Variants in ADK observed in about 807,000 individuals in gnomAD.
ADK encodes N6,N6-dimethyladenosine kinase.
Under a neutral mutation model 44.7 loss-of-function variants are expected in ADK, and 24 were observed. The observed-to-expected ratio is 0.54, with a 90% CI of 0.39 to 0.76. The LOEUF (loss-of-function observed/expected upper bound fraction) is 0.76, where lower values mean the gene tolerates loss of function less well. Among genes scored for constraint, ADK ranks in the 30% least tolerant of loss-of-function variants. The pLI is 0.00. For missense variants in ADK, 321 were observed against 425.1 expected (o/e 0.76, Z 2.15); for synonymous variants, 128 against 142.6 (o/e 0.90, Z 0.73).
intron 6 of ADK, among the ~76,000 whole-genome samples, chr10:74,438,603 C>G (rs1845274639): frequency 6.6e-6 from 1 of 152,048 alleles, no homozygotes; most frequent in South Asian, 2.1e-4. Flanking sequence ...CAGTATGCAT[C>G]TGTTGAATAT....
At chr10:74,309,974 C>G (rs145403811) in intron 3 of ADK, among the ~76,000 whole-genome samples, 1 of 151,908 alleles carries the variant, frequency 6.6e-6, no homozygotes, top group African/African-American at 2.4e-5. Flanking sequence ...TTACTATATT[C>G]ATCTTTGTTG....
intron 9 of ADK, among the ~76,000 whole-genome samples, chr10:74,628,320 G>C (rs892528560): frequency 6.6e-6 from 1 of 152,144 alleles, no homozygotes; most frequent in East Asian, 2.0e-4. Flanking sequence ...TGCCAGTCAC[G>C]ATTCTTGGAT....
intron 7 of ADK, among the ~76,000 whole-genome samples, chr10:74,588,972 A>T (rs1851621353): frequency 6.6e-6 from 1 of 152,232 alleles, no homozygotes; most frequent in Admixed American, 6.5e-5. Context: ...AACCACCAGC[A>T]TATTCCTTGG....
At chr10:74,611,640 C>T (rs1007379570) in intron 9 of ADK, among the ~76,000 whole-genome samples, 3 of 151,860 alleles carry the variant, frequency 2.0e-5, no homozygotes, top group African/African-American at 7.3e-5. Context: ...AGTTTTTCAA[C>T]TCACCCCCAC....
chr10:74,351,623 A>G (rs1841966538), intron 4 of ADK, among the ~76,000 whole-genome samples: 1 of 152,216 alleles, frequency 6.6e-6, no homozygotes, highest in Admixed American at 6.5e-5. Flanking sequence ...AGAGGAAGTC[A>G]GATTGTCTCT....
At chr10:74,260,087 C>T (rs1417149381) in intron 3 of ADK, among the ~76,000 whole-genome samples, 3 of 151,854 alleles carry the variant, frequency 2.0e-5, no homozygotes, top group Non-Finnish European at 4.4e-5. Context: ...AATATGTGTA[C>T]ATGGTTAACA....
At position 74,275,077 on chromosome 10, in the gene ADK, T is replaced by C. The variant is rs187758983; in HGVS notation, c.195-39590T>C. Among the ~76,000 whole-genome samples, 760 of 152,014 alleles carry C rather than the reference T, an allele frequency of 5.0e-3. 3 individuals are homozygous for C. The highest frequency in any genetic ancestry group is 6.9e-3 in the Non-Finnish European group (469 of 67,974). The stretch of plus-strand genomic sequence containing the variant: ...TGAGAGGTGAAGCTGCAGGTTGTCT[T>C]ACCATGCAGATGAAGGCCCCCTGGG... On this transcript the variant is annotated intron_variant, in intron 3 of 10. Coordinates refer to ENST00000539909, the MANE Select transcript of ADK (RefSeq NM_006721.4).
At chr10:74,206,168 T>C (rs1438046824) in intron 2 of ADK, among the ~76,000 whole-genome samples, 2 of 152,222 alleles carry the variant, frequency 1.3e-5, no homozygotes, top group Non-Finnish European at 2.9e-5. Context: ...AATTTTATCG[T>C]GTATTTCAAA....
At position 74,649,984 on chromosome 10, in the gene ADK, T is replaced by A. The variant is rs1419022607; in HGVS notation, c.878-20199T>A. Among the ~76,000 whole-genome samples the A allele has an allele frequency of 2.0e-5, 3 of 152,204 alleles. No individual in the cohort carries two copies. The East Asian group carries it at 5.8e-4, about 29-fold the overall frequency. ...ATGGTCCAGTGTATGTTCTCTTCAA[T>A]CTCAAAGCGTGTTTAGAGTATTGCC... On this transcript the variant is annotated intron_variant, in intron 9 of 10. Coordinates refer to ENST00000539909, the MANE Select transcript of ADK (RefSeq NM_006721.4).
intron 9 of ADK, among the ~76,000 whole-genome samples, chr10:74,607,094 C>T (rs1405098652): frequency 6.6e-6 from 1 of 152,050 alleles, no homozygotes; most frequent in Non-Finnish European, 1.5e-5. Context: ...GTAAATATTC[C>T]TCCATCCCTT....
At chr10:74,464,655 CA>C (rs1219591555) in intron 6 of ADK, among the ~76,000 whole-genome samples, 1 of 151,982 alleles carries the variant, frequency 6.6e-6, no homozygotes, top group African/African-American at 2.4e-5. Context: ...TCCAATATCC[CA>C]AAAACTTTTT....
At chr10:74,627,029 C>G (rs1341260171) in intron 9 of ADK, among the ~76,000 whole-genome samples, 4 of 152,168 alleles carry the variant, frequency 2.6e-5, no homozygotes, top group Non-Finnish European at 5.9e-5. Flanking sequence ...TATGAAGGAT[C>G]TACATTGCTA....
chr10:74,644,941 C>A (rs1854003655), intron 9 of ADK, among the ~76,000 whole-genome samples: 1 of 152,144 alleles, frequency 6.6e-6, no homozygotes, highest in Non-Finnish European at 1.5e-5. Flanking sequence ...CACGTCTTAT[C>A]CAACTAGTCA....
chr10:74,626,839 G>T (rs1853223751), intron 9 of ADK, among the ~76,000 whole-genome samples: 1 of 152,094 alleles, frequency 6.6e-6, no homozygotes, highest in Non-Finnish European at 1.5e-5. Flanking sequence ...GAGAACAAGG[G>T]TAGTTTCCTG....
At chr10:74,392,498 T>C (rs1244967867) in intron 4 of ADK, among the ~76,000 whole-genome samples, 1 of 152,168 alleles carries the variant, frequency 6.6e-6, no homozygotes, top group Non-Finnish European at 1.5e-5. Flanking sequence ...CATTTTAAGA[T>C]CATGTTATTT....
intron 4 of ADK, among the ~76,000 whole-genome samples, chr10:74,331,347 A>G (rs1036363442): frequency 4.6e-5 from 7 of 152,232 alleles, no homozygotes; most frequent in Non-Finnish European, 8.8e-5. Context: ...ATTTATGATT[A>G]ATAGAAATAA....
chr10:74,348,957 CAGGG>C (rs1410563228), intron 4 of ADK, among the ~76,000 whole-genome samples: 7 of 151,874 alleles, frequency 4.6e-5, no homozygotes, highest in Non-Finnish European at 5.9e-5. Flanking sequence ...CTGAAAGTGA[CAGGG>C]AGAATGGAAC....
chr10:74,607,530 C>A (rs185720309), intron 9 of ADK, among the ~76,000 whole-genome samples: 2 of 152,272 alleles, frequency 1.3e-5, no homozygotes, highest in East Asian at 3.9e-4. Context: ...GTTCAAAATT[C>A]TTTTCTTTAA....
intron 6 of ADK, among the ~76,000 whole-genome samples, chr10:74,475,242 G>A (rs1228862730): frequency 6.6e-6 from 1 of 152,108 alleles, no homozygotes; most frequent in Admixed American, 6.5e-5. Context: ...CTAAAACTGT[G>A]TCACTTTTAC....
Sources: gnomAD v4.1 joint callset for allele counts (sites outside exome capture counted in the v4.1 genomes callset) on GRCh38, gnomAD v4.1.1 for gene constraint, MANE v1.5 for transcripts, NCBI Gene and HGNC (gene_info 2026-07-23, HGNC 2026-07-21) for gene names.